The following PLEKHA8 variants were observed in gnomAD, a reference collection of about 807,000 sequenced individuals.
PLEKHA8 encodes the protein pleckstrin homology domain containing A8.
Under a neutral mutation model 68.2 loss-of-function variants are expected in PLEKHA8, and 36 were observed. The ratio of observed to expected loss-of-function variants is 0.53; its 90% CI spans 0.40 to 0.70. PLEKHA8 has a LOEUF of 0.70. Among genes scored for constraint, PLEKHA8 ranks in the 30% least tolerant of loss-of-function variants. PLEKHA8 has a pLI of 0.00. For synonymous variants in PLEKHA8, 211 were observed against 216.1 expected (o/e 0.98, Z 0.20); for missense variants, 505 against 615.4 (o/e 0.82, Z 1.90).
chr7:30,130,193 C>T (rs906918153), downstream of PLEKHA8: 14 of 152,158 alleles, frequency 9.2e-5, no homozygotes, highest in African/African-American at 3.4e-4. Context: ...TAGTAAGTTT[C>T]AGCAAATATA....
At chr7:30,100,845 A>G (rs574047646) in intron 13 of PLEKHA8, among the ~76,000 whole-genome samples, 6 of 152,346 alleles carry the variant, frequency 3.9e-5, no homozygotes, top group East Asian at 1.9e-4. Context: ...TGCAAAGACT[A>G]TTTAAGCTAA....
intron 13 of PLEKHA8, among the ~76,000 whole-genome samples, chr7:30,105,128 T>A (rs1404432602): frequency 6.6e-6 from 1 of 152,032 alleles, no homozygotes; most frequent in Non-Finnish European, 1.5e-5. Flanking sequence ...TGCCCACTTA[T>A]AATCTGCTCA....
intron 13 of PLEKHA8, among the ~76,000 whole-genome samples, chr7:30,075,624 A>G (rs541809700): frequency 6.6e-5 from 10 of 152,286 alleles, no homozygotes; most frequent in African/African-American, 1.4e-4. Flanking sequence ...TTCTTAGGCA[A>G]TGGATGCTCA....
At position 30,046,796 on chromosome 7, in the gene PLEKHA8, C is replaced by T. The variant is rs114800930; in HGVS notation, c.313+431C>T. On this transcript the variant is annotated intron_variant, in intron 3 of 13. Transcript: ENST00000449726. Reference sequence around the variant, plus strand: ...GTGAGGAGTAGTTGAGCCAGATAAGCCTTGGATCAGGGTGTTTTCTGTAGC... The same window carrying T: ...GTGAGGAGTAGTTGAGCCAGATAAGTCTTGGATCAGGGTGTTTTCTGTAGC... 2.1e-3 allele frequency among the ~76,000 whole-genome samples: 318 copies of T among 152,268 alleles called. 2 individuals are homozygous for T. Among genetic ancestry groups the T allele is most frequent in the African/African-American group, 7.2e-3 (300 of 41,554 alleles).
chr7:30,056,304 C>CTATA lies in PLEKHA8; in HGVS notation c.1039+963_1039+964insATAT, dbSNP rs1379058501. 1.2e-4 allele frequency among the ~76,000 whole-genome samples: 11 copies of CTATA among 93,896 alleles called. No individual in the cohort carries two copies. In the East Asian group the frequency reaches 1.7e-3, roughly 15 times the overall value. 61.6% of individuals were successfully genotyped at this position (93,896 alleles called of 152,430 possible). ...TCTCTCTCTCTCTCTCTCTCTCTCT[C>CTATA]TCTCTCTCTATATATATATATATAT... On this transcript the variant is annotated intron_variant, in intron 9 of 13. Transcript: ENST00000449726.
At chr7:30,059,251 A>G (rs1046803991) in intron 9 of PLEKHA8, among the ~76,000 whole-genome samples, 1 of 152,216 alleles carries the variant, frequency 6.6e-6, no homozygotes, top group Non-Finnish European at 1.5e-5. Flanking sequence ...TGTTAGGAAT[A>G]AGTTTTAGAA....
In PLEKHA8 at chr7:30,080,078, C is replaced by T. The variant is rs369411239; in HGVS notation, c.*1291C>T. 25 of 985,126 alleles carry T rather than the reference C, an allele frequency of 2.5e-5. No individual in the cohort carries two copies. The highest frequency in any genetic ancestry group is 2.5e-4 in the Admixed American group (4 of 16,236). The allele number at this position is 985,126 out of a possible 1,614,324, so 61.0% of individuals were successfully genotyped here. A position where few individuals can be genotyped will look rare whatever the true frequency, so the allele number is the denominator to read the frequency against. On this transcript the variant is annotated 3_prime_UTR_variant, in exon 14 of 14. Transcript: ENST00000449726. ...TCTGAATCTGCTTACCAATCAATCT[C>T]GGTTTAATCACCAAAAGTGCAGAGC...
At chr7:30,085,699 G>T (rs1704117028), downstream of PLEKHA8, among the ~76,000 whole-genome samples, 1 of 152,164 alleles carries the variant, frequency 6.6e-6, no homozygotes, top group African/African-American at 2.4e-5. Context: ...AAACACAACA[G>T]CTAAGTCCGT....
chr7:30,034,620 G>A (rs1000416450), intron 1 of PLEKHA8, among the ~76,000 whole-genome samples: 1 of 152,216 alleles, frequency 6.6e-6, no homozygotes, highest in East Asian at 1.9e-4. Flanking sequence ...TTAAGTGGAA[G>A]TGGGTCATTG....
At chr7:30,115,599 T>C (rs1021593273) in intron 13 of PLEKHA8, among the ~76,000 whole-genome samples, 3 of 150,536 alleles carry the variant, frequency 2.0e-5, no homozygotes, top group African/African-American at 4.9e-5. Context: ...TAGACATGTA[T>C]ACATACATTT....
At chr7:30,030,282 T>A (rs1790561910) in intron 1 of PLEKHA8, among the ~76,000 whole-genome samples, 1 of 152,262 alleles carries the variant, frequency 6.6e-6, no homozygotes, top group South Asian at 2.1e-4. Context: ...CATCCCCAAC[T>A]TTTTTTGTTG....
intron 6 of PLEKHA8, chr7:30,050,707 A>G (rs566461816): frequency 2.5e-6 from 1 of 399,140 alleles, no homozygotes; most frequent in South Asian, 4.4e-5. Flanking sequence ...GATGGATCTC[A>G]CCCATCACAT....
At chr7:30,111,840 TG>T (rs759321701) in intron 13 of PLEKHA8, among the ~76,000 whole-genome samples, 9 of 152,212 alleles carry the variant, frequency 5.9e-5, no homozygotes, top group African/African-American at 9.6e-5. Context: ...AAGCAACACA[TG>T]ACTGTGTATA....
At chr7:30,091,487 C>T (rs77067620), downstream of PLEKHA8, among the ~76,000 whole-genome samples, 2,886 of 149,830 alleles carry the variant, frequency 0.019, 44 homozygotes, top group East Asian at 0.041. Context: ...ATTTTTTTTT[C>T]GCTGCTAATT....
intron 9 of PLEKHA8, among the ~76,000 whole-genome samples, chr7:30,056,604 C>G (rs1484821477): frequency 6.8e-6 from 1 of 146,712 alleles, no homozygotes; most frequent in African/African-American, 2.5e-5. Context: ...TGGCGCGCAC[C>G]TGTAATCCCA....
intron 13 of PLEKHA8, among the ~76,000 whole-genome samples, chr7:30,125,316 C>T (rs1452531951): frequency 6.6e-6 from 1 of 152,128 alleles, no homozygotes; most frequent in Non-Finnish European, 1.5e-5. Context: ...CCCCAACTTA[C>T]AATGGTTTGA....
rs971262226 is a variant in PLEKHA8 at position 30,116,057 on chromosome 7, T to C, written c.1363-13209T>C. ...ACATGTGCGCATACGCATACATACGTATGCATACGTATACATGTATACATA... is the reference window on the plus strand; with the variant it reads ...ACATGTGCGCATACGCATACATACGCATGCATACGTATACATGTATACATA... On this transcript the variant is annotated intron_variant, in intron 13 of 13. Transcript: ENST00000396257. 10 of 143,202 alleles carry C rather than the reference T, an allele frequency of 7.0e-5. 1 individual carries two copies. Among genetic ancestry groups the C allele is most frequent in the Non-Finnish European group, 1.1e-4 (7 of 64,908 alleles). 8.9% of individuals were successfully genotyped at this position (143,202 alleles called of 1,614,324 possible).
At chr7:30,061,079 C>A in intron 10 of PLEKHA8, 137 bp downstream of exon 10, 1 of 769,714 alleles carries the variant, frequency 1.3e-6, no homozygotes, top group Non-Finnish European at 2.1e-6. Flanking sequence ...TCTTTCTTCT[C>A]ACACTGTGAA....
chr7:30,056,818 T>C (rs1793020452), intron 9 of PLEKHA8, among the ~76,000 whole-genome samples: 1 of 145,766 alleles, frequency 6.9e-6, no homozygotes, highest in Admixed American at 7.0e-5. Flanking sequence ...ATATATGTTA[T>C]GTATATATAT....
Sources: gnomAD v4.1 joint callset for allele counts (sites outside exome capture counted in the v4.1 genomes callset) on GRCh38, gnomAD v4.1.1 for gene constraint, MANE v1.5 for transcripts, NCBI Gene and HGNC (gene_info 2026-07-23, HGNC 2026-07-21) for gene names.